The following AFG1L variants were observed in gnomAD, a reference collection of about 807,000 sequenced individuals.
AFG1L encodes AFG1-like ATPase.
AFG1L carries 53 observed loss-of-function variants against 62.2 expected under a neutral mutation model. The observed-to-expected ratio is 0.85, with a 90% CI of 0.68 to 1.07. The LOEUF is 1.07. Among genes scored for constraint, AFG1L ranks in the 50% least tolerant of loss-of-function variants. The probability of loss-of-function intolerance (pLI) is 0.00; values close to 1 mark genes in which losing one functional copy is unlikely to be tolerated. For synonymous variants in AFG1L, 228 were observed against 210.3 expected, an observed-to-expected ratio of 1.08 and a Z score of -0.73; for missense variants, 555 against 590.5, an observed-to-expected ratio of 0.94 and a Z score of 0.62.
intron 7 of AFG1L, among the ~76,000 whole-genome samples, chr6:108,438,070 C>T (rs1011180481): frequency 2.6e-5 from 4 of 152,212 alleles, no homozygotes; most frequent in African/African-American, 9.7e-5. Flanking sequence ...AGCTTCTGTC[C>T]TGACTTGCTT....
chr6:108,431,869 C>T (rs963362302), intron 7 of AFG1L, among the ~76,000 whole-genome samples: 4 of 151,892 alleles, frequency 2.6e-5, no homozygotes, highest in Admixed American at 2.6e-4. Flanking sequence ...TAGGCATGAG[C>T]CATTGCGCTC....
At chr6:108,488,035 C>T (rs374410405) in intron 10 of AFG1L, among the ~76,000 whole-genome samples, 6 of 152,160 alleles carry the variant, frequency 3.9e-5, no homozygotes, top group African/African-American at 1.4e-4. Flanking sequence ...GTCCAGTGGA[C>T]CAGCAAGTAG....
chr6:108,353,799 G>A (rs552019390), intron 3 of AFG1L, among the ~76,000 whole-genome samples: 2 of 152,228 alleles, frequency 1.3e-5, no homozygotes, highest in South Asian at 4.1e-4. Flanking sequence ...TATATCAAGA[G>A]ATACTGTACT....
intron 8 of AFG1L, among the ~76,000 whole-genome samples, chr6:108,469,506 A>G (rs1772803801): frequency 6.6e-6 from 1 of 152,178 alleles, no homozygotes; most frequent in Admixed American, 6.6e-5. Context: ...GAGTGATAAG[A>G]AGACAGTTGT....
chr6:108,466,087 A>G (rs1772654049), intron 8 of AFG1L, among the ~76,000 whole-genome samples: 1 of 152,190 alleles, frequency 6.6e-6, no homozygotes, highest in Admixed American at 6.5e-5. Context: ...AACTTGAGGC[A>G]ACTTATATTG....
intron 10 of AFG1L, among the ~76,000 whole-genome samples, chr6:108,505,182 C>T (rs1008698303): frequency 1.4e-4 from 22 of 151,738 alleles, no homozygotes; most frequent in South Asian, 2.1e-4. Context: ...GCAACCTCCG[C>T]GCCCAGGTTC....
intron 5 of AFG1L, among the ~76,000 whole-genome samples, chr6:108,362,220 A>G (rs1779566672): frequency 6.6e-6 from 1 of 152,226 alleles, no homozygotes; most frequent in South Asian, 2.1e-4. Flanking sequence ...GTCTAATTGA[A>G]TACATAAAAA....
intron 10 of AFG1L, among the ~76,000 whole-genome samples, chr6:108,500,612 T>C (rs1346658780): frequency 6.6e-6 from 1 of 152,180 alleles, no homozygotes; most frequent in African/African-American, 2.4e-5. Context: ...TGAATGCAGG[T>C]GTCTTTTTGA....
chr6:108,412,954 A>G (rs1782185212), intron 7 of AFG1L, among the ~76,000 whole-genome samples: 1 of 152,242 alleles, frequency 6.6e-6, no homozygotes, highest in Non-Finnish European at 1.5e-5. Context: ...TGCTCCAATT[A>G]AAAGACACAG....
chr6:108,378,834 T>TC (rs1476495792), intron 6 of AFG1L, among the ~76,000 whole-genome samples: 31 of 151,904 alleles, frequency 2.0e-4, no homozygotes, highest in African/African-American at 7.2e-4. Context: ...TTCTTTTTTT[T>TC]CCCTGTAATG....
chr6:108,407,867 C>T (rs1781927838), intron 7 of AFG1L, among the ~76,000 whole-genome samples: 1 of 152,094 alleles, frequency 6.6e-6, no homozygotes, highest in South Asian at 2.1e-4. Context: ...AGTACATCTC[C>T]ATCTTCCCAG....
At chr6:108,306,202 C>T (rs1777191871) in intron 1 of AFG1L, among the ~76,000 whole-genome samples, 1 of 152,226 alleles carries the variant, frequency 6.6e-6, no homozygotes, top group Admixed American at 6.5e-5. Flanking sequence ...CTGTGCCCAG[C>T]CTCAAGATGG....
chr6:108,362,138 A>G (rs1779563125), intron 5 of AFG1L, among the ~76,000 whole-genome samples: 1 of 152,240 alleles, frequency 6.6e-6, no homozygotes, highest in African/African-American at 2.4e-5. Flanking sequence ...CAGCATTTAC[A>G]GAACCCAAGG....
At chr6:108,369,272 A>G (rs967927874) in intron 6 of AFG1L, among the ~76,000 whole-genome samples, 11 of 152,188 alleles carry the variant, frequency 7.2e-5, no homozygotes, top group Non-Finnish European at 1.5e-4. Flanking sequence ...CAACTGCTGC[A>G]TCCAGATTGT....
intron 10 of AFG1L, among the ~76,000 whole-genome samples, chr6:108,493,713 T>G (rs1773854780): frequency 6.6e-6 from 1 of 152,230 alleles, no homozygotes; most frequent in Non-Finnish European, 1.5e-5. Context: ...CCACTAATTT[T>G]TACCATGTCG....
chr6:108,360,435 A>AT (rs1433057794), intron 5 of AFG1L, among the ~76,000 whole-genome samples: 4 of 151,958 alleles, frequency 2.6e-5, no homozygotes, highest in Non-Finnish European at 4.4e-5. Flanking sequence ...TTAGTGTAGC[A>AT]TTTTTTTTCT....
chr6:108,455,258 A>G (rs1352502242), intron 8 of AFG1L, among the ~76,000 whole-genome samples: 3 of 152,222 alleles, frequency 2.0e-5, no homozygotes, highest in Admixed American at 1.3e-4. Context: ...AGAGGAAACA[A>G]GATTGACCAT....
chr6:108,441,712 A>ATATAT lies in AFG1L; in HGVS notation c.808-5502_808-5501insTATAT, dbSNP rs1554198359. On this transcript the variant is annotated intron_variant, in intron 7 of 12. Coordinates refer to ENST00000368977, the MANE Select transcript of AFG1L (RefSeq NM_145315.5). ...ATCTGAGGTTTATTTAAAAAAAAAAAATATATATATATATATATAAACTGA... is the reference window on the plus strand; with the variant it reads ...ATCTGAGGTTTATTTAAAAAAAAAAATATATATATATATATATATATATAAACTGA... Among the ~76,000 whole-genome samples, 725 of 139,464 alleles carry ATATAT rather than the reference A, an allele frequency of 5.2e-3. 6 individuals are homozygous for ATATAT. The highest frequency in any genetic ancestry group is 0.018 in the African/African-American group (652 of 35,408). The allele number at this position is 139,464 out of a possible 152,430, so 91.5% of individuals were successfully genotyped here. A position where few individuals can be genotyped will look rare whatever the true frequency, so the allele number is the denominator to read the frequency against.
chr6:108,328,675 C>T (rs903802250), intron 2 of AFG1L, among the ~76,000 whole-genome samples: 6 of 151,814 alleles, frequency 4.0e-5, no homozygotes. Context: ...AAATATATTC[C>T]TTTTATCCCT....
Sources: gnomAD v4.1 joint callset for allele counts (sites outside exome capture counted in the v4.1 genomes callset) on GRCh38, gnomAD v4.1.1 for gene constraint, MANE v1.5 for transcripts, NCBI Gene and HGNC (gene_info 2026-07-23, HGNC 2026-07-21) for gene names.